ADRA1B: variants seen among roughly 807,000 people sequenced by gnomAD.
ADRA1B encodes alpha-1B adrenergic receptor.
A neutral mutation model predicts 17.9 loss-of-function variants in ADRA1B; 17 were observed. That is an observed-to-expected ratio of 0.95 (90% confidence interval 0.65 to 1.42). The LOEUF (loss-of-function observed/expected upper bound fraction) is 1.42. Among genes scored for constraint, ADRA1B ranks in the 40% most tolerant of loss-of-function variants. ADRA1B has a pLI of 0.00. For synonymous variants in ADRA1B, 366 were observed against 327.6 expected (o/e 1.12, Z -1.27); for missense variants, 681 against 722.1 (o/e 0.94, Z 0.65).
chr5:159,984,029 C>T, the ADRA1B span, among the ~76,000 whole-genome samples: 1 of 152,034 alleles, frequency 6.6e-6, no homozygotes, highest in Non-Finnish European at 1.5e-5. Flanking sequence ...CTCTCAGCAA[C>T]ATTTGGTGTG....
chr5:159,946,558 C>T (rs760035281), intron 1 of ADRA1B, among the ~76,000 whole-genome samples: 4 of 152,210 alleles, frequency 2.6e-5, no homozygotes, highest in Non-Finnish European at 5.9e-5. Context: ...TGCTGTAAAT[C>T]CATATTCTCA....
intron 1 of ADRA1B, chr5:159,955,125 C>T (rs7713566): frequency 9.1e-6 from 9 of 984,910 alleles, no homozygotes; most frequent in South Asian, 4.7e-5. Flanking sequence ...TTCAGGATAC[C>T]GAAAGACAAG....
chr5:159,975,384 A>G (rs1317189516), downstream of ADRA1B, among the ~76,000 whole-genome samples: 1 of 152,242 alleles, frequency 6.6e-6, no homozygotes, highest in Non-Finnish European at 1.5e-5. Flanking sequence ...GACCTTGGGC[A>G]GTTCATCTTG....
chr5:159,944,249 G>T (rs1383117790), intron 1 of ADRA1B, among the ~76,000 whole-genome samples: 1 of 152,156 alleles, frequency 6.6e-6, no homozygotes, highest in Admixed American at 6.5e-5. Flanking sequence ...GAGAGCCGTG[G>T]CTATCAGCTT....
upstream of ADRA1B, among the ~76,000 whole-genome samples, chr5:159,912,661 C>T (rs1754240477): frequency 6.6e-6 from 1 of 152,238 alleles, no homozygotes; most frequent in African/African-American, 2.4e-5. Flanking sequence ...GACAACAATG[C>T]TTTGAATACC....
At chr5:159,984,708 G>A in the ADRA1B span, among the ~76,000 whole-genome samples, 13,765 of 150,158 alleles carry the variant, frequency 0.092, 1,099 homozygotes, top group African/African-American at 0.22. Context: ...GGCCAACCTG[G>A]CCAACATGGC....
At chr5:159,891,259 A>G (rs747490966) in intron 1 of ADRA1B, among the ~76,000 whole-genome samples, 5 of 152,242 alleles carry the variant, frequency 3.3e-5, no homozygotes, top group Non-Finnish European at 7.3e-5. Context: ...GCACAGGCTT[A>G]TTAAATCAAT....
chr5:159,870,604 G>A (rs1270918081), intron 1 of ADRA1B: 1 of 152,200 alleles, frequency 6.6e-6, no homozygotes, highest in Non-Finnish European at 1.5e-5. Context: ...GGAGGGAAAT[G>A]CTATGGAATT....
intron 1 of ADRA1B, among the ~76,000 whole-genome samples, chr5:159,970,580 T>C (rs1037305381): frequency 3.3e-5 from 5 of 152,192 alleles, no homozygotes; most frequent in African/African-American, 1.2e-4. Context: ...TGAAAATTCA[T>C]TGAGATCTGT....
downstream of ADRA1B, among the ~76,000 whole-genome samples, chr5:159,977,607 C>A (rs1484336279): frequency 6.6e-6 from 1 of 152,180 alleles, no homozygotes; most frequent in Non-Finnish European, 1.5e-5. Context: ...AGTTAAGAGC[C>A]AAGAATTTGA....
intron 1 of ADRA1B, among the ~76,000 whole-genome samples, chr5:159,929,379 C>A (rs1168346345): frequency 6.6e-6 from 1 of 151,812 alleles, no homozygotes; most frequent in African/African-American, 2.4e-5. Context: ...AGTGTGGCTG[C>A]TTGCCCACTT....
At chr5:159,931,434 C>G (rs553654686) in intron 1 of ADRA1B, among the ~76,000 whole-genome samples, 11 of 151,924 alleles carry the variant, frequency 7.2e-5, no homozygotes, top group Non-Finnish European at 1.3e-4. Context: ...CAGCCCTTTC[C>G]TCTGCTGGTT....
intron 1 of ADRA1B, among the ~76,000 whole-genome samples, chr5:159,968,109 C>T (rs777560898): frequency 6.6e-5 from 10 of 152,120 alleles, no homozygotes; most frequent in Admixed American, 5.2e-4. Flanking sequence ...TTAGCAGGAG[C>T]TTAGTGTTTG....
Position 159,939,268 on chromosome 5 carries a change from AGAGAGAGAGAGTGTGTGTGTGT to A in ADRA1B, c.949+21416_949+21437del, listed in dbSNP as rs1436990992. Among the ~76,000 whole-genome samples the A allele has an allele frequency of 9.4e-5, 7 of 74,858 alleles. No individual in the cohort carries two copies. The Admixed American group carries it at 9.7e-4, about 10-fold the overall frequency. 49.1% of individuals were successfully genotyped at this position (74,858 alleles called of 152,430 possible). On this transcript the variant is annotated intron_variant, in intron 1 of 1. Coordinates refer to ENST00000306675, the MANE Select transcript of ADRA1B (RefSeq NM_000679.4). ...TTCTTTGAAGGAGAGAGAGAGAGAG[AGAGAGAGAGAGTGTGTGTGTGT>A]GTGTGTGTGTGTGTGTGTGTGTGTG...
At chr5:159,942,099 T>A (rs1755148463) in intron 1 of ADRA1B, among the ~76,000 whole-genome samples, 1 of 152,000 alleles carries the variant, frequency 6.6e-6, no homozygotes, top group Non-Finnish European at 1.5e-5. Context: ...ATTTTTTGTA[T>A]TTTTAGTAGA....
chr5:159,960,910 G>A (rs1190953230), intron 1 of ADRA1B, among the ~76,000 whole-genome samples: 1 of 152,162 alleles, frequency 6.6e-6, no homozygotes, highest in Non-Finnish European at 1.5e-5. Context: ...ACTGTGCTAG[G>A]TAGGCCTTGG....
chr5:159,942,388 T>C (rs1252118306), intron 1 of ADRA1B, among the ~76,000 whole-genome samples: 1 of 152,260 alleles, frequency 6.6e-6, no homozygotes, highest in Admixed American at 6.5e-5. Context: ...AAAAAAGTAC[T>C]GTTCTAATTG....
intron 1 of ADRA1B, among the ~76,000 whole-genome samples, chr5:159,895,078 C>A (rs1274680748): frequency 6.6e-6 from 1 of 152,206 alleles, no homozygotes; most frequent in Non-Finnish European, 1.5e-5. Flanking sequence ...GAAAAATACA[C>A]AGCTCTTCAA....
intron 1 of ADRA1B, among the ~76,000 whole-genome samples, chr5:159,933,299 TG>T (rs1212921627): frequency 6.6e-6 from 1 of 152,224 alleles, no homozygotes; most frequent in East Asian, 1.9e-4. Flanking sequence ...TTAGGGCACT[TG>T]CTTTTTAGGA....
Sources: allele counts gnomAD v4.1 joint callset (sites outside exome capture counted in the v4.1 genomes callset), GRCh38; gene constraint gnomAD v4.1.1; transcripts MANE v1.5; gene names NCBI Gene and HGNC (gene_info 2026-07-23, HGNC 2026-07-21).